DYNC1I1: variants seen among roughly 807,000 people sequenced by gnomAD.
DYNC1I1 encodes dynein cytoplasmic 1 intermediate chain 1.
Under a neutral mutation model 86.6 loss-of-function variants are expected in DYNC1I1, and 43 were observed. The observed-to-expected ratio is 0.50, with a 90% CI of 0.39 to 0.64. The LOEUF is 0.64. Among genes scored for constraint, DYNC1I1 ranks in the 30% least tolerant of loss-of-function variants. The pLI is 0.00. For missense variants in DYNC1I1, 604 were observed against 788.8 expected, an observed-to-expected ratio of 0.77 and a Z score of 2.81; for synonymous variants, 262 against 283.7, an observed-to-expected ratio of 0.92 and a Z score of 0.77.
chr7:96,088,900 A>T (rs1790760131), intron 16 of DYNC1I1, among the ~76,000 whole-genome samples: 1 of 152,280 alleles, frequency 6.6e-6, no homozygotes, highest in East Asian at 1.9e-4. Context: ...TTAAAGCATG[A>T]GTTACTTATC....
chr7:95,886,720 G>A (rs1333527804), intron 6 of DYNC1I1, among the ~76,000 whole-genome samples: 4 of 151,764 alleles, frequency 2.6e-5, no homozygotes, highest in Non-Finnish European at 4.4e-5. Context: ...GAAGCAAAGT[G>A]GAAAAAAAAA....
At chr7:96,023,642 T>C (rs1794607168) in intron 10 of DYNC1I1, among the ~76,000 whole-genome samples, 1 of 152,130 alleles carries the variant, frequency 6.6e-6, no homozygotes, top group Non-Finnish European at 1.5e-5. Context: ...TGGAATTCCC[T>C]GTGAATGGTG....
At chr7:96,011,173 C>T (rs1171986112) in intron 10 of DYNC1I1, among the ~76,000 whole-genome samples, 1 of 152,112 alleles carries the variant, frequency 6.6e-6, no homozygotes, top group Non-Finnish European at 1.5e-5. Flanking sequence ...ATGTTATTGC[C>T]ACCAAGGGGT....
chr7:96,089,508 A>C (rs1449992474), intron 16 of DYNC1I1, among the ~76,000 whole-genome samples: 3 of 152,148 alleles, frequency 2.0e-5, no homozygotes, highest in Non-Finnish European at 4.4e-5. Context: ...CTGTAGTTGC[A>C]CAGAAAAGGA....
intron 14 of DYNC1I1, among the ~76,000 whole-genome samples, chr7:96,044,819 G>C (rs1425714727): frequency 6.6e-6 from 1 of 152,212 alleles, no homozygotes; most frequent in African/African-American, 2.4e-5. Flanking sequence ...TGATCACAGA[G>C]GAGAATAGGA....
rs185919540 is a variant in DYNC1I1 at position 96,049,493 on chromosome 7, C to G, written c.1509+10072C>G. ...AGTCCCTTTTGACAATAATGATTACCTTCATAATCTTTACTTTAAACTTAT... is the reference window on the plus strand; with the variant it reads ...AGTCCCTTTTGACAATAATGATTACGTTCATAATCTTTACTTTAAACTTAT... On this transcript the variant is annotated intron_variant, in intron 14 of 16. Transcript: ENST00000447467. Among the ~76,000 whole-genome samples the G allele has an allele frequency of 1.3e-4, 19 of 151,920 alleles. No homozygotes were observed. The East Asian group carries it at 3.5e-3, about 28-fold the overall frequency.
chr7:95,802,546 A>G (rs1001772574), intron 1 of DYNC1I1: 1 of 152,220 alleles, frequency 6.6e-6, no homozygotes, highest in Non-Finnish European at 1.5e-5. Flanking sequence ...CTTTTCAAAA[A>G]TCTGCTATGA....
In DYNC1I1 at chr7:95,782,361, C is replaced by G. The variant is rs559322038; in HGVS notation, c.-10+9588C>G. Among the ~76,000 whole-genome samples the G allele has an allele frequency of 7.2e-5, 11 of 152,330 alleles. No homozygotes were observed. The South Asian group carries it at 2.3e-3, about 32-fold the overall frequency. On this transcript the variant is annotated intron_variant, in intron 1 of 16. Coordinates refer to ENST00000447467, the MANE Select transcript of DYNC1I1 (RefSeq NM_001135556.2). ...TCTCTATGGGGCACCCCTAGGGACACTGACTGATATGTAACCACATATGTA... is the reference window on the plus strand; with the variant it reads ...TCTCTATGGGGCACCCCTAGGGACAGTGACTGATATGTAACCACATATGTA...
At chr7:96,056,692 A>T (rs184106715) in intron 14 of DYNC1I1, among the ~76,000 whole-genome samples, 22 of 152,126 alleles carry the variant, frequency 1.4e-4, no homozygotes, top group African/African-American at 5.1e-4. Context: ...CTCTATATAT[A>T]TCTATATCTA....
intron 4 of DYNC1I1, chr7:95,818,473 AT>A (rs10590197): frequency 0.15 from 83,494 of 563,474 alleles, 1,742 homozygotes; most frequent in East Asian, 0.16. Flanking sequence ...AGCTGATTTA[AT>A]TTTTTTTTTT....
chr7:95,904,029 G>A (rs1027019393), intron 6 of DYNC1I1, among the ~76,000 whole-genome samples: 2 of 152,122 alleles, frequency 1.3e-5, no homozygotes, highest in Non-Finnish European at 2.9e-5. Flanking sequence ...ACATTTTATG[G>A]CTAGATCAAA....
At chr7:96,061,743 AACAC>A (rs147856984) in intron 14 of DYNC1I1, among the ~76,000 whole-genome samples, 24 of 131,972 alleles carry the variant, frequency 1.8e-4, no homozygotes, top group South Asian at 7.2e-4. Flanking sequence ...CACGCACACA[AACAC>A]ACACACACAC....
intron 15 of DYNC1I1, among the ~76,000 whole-genome samples, chr7:96,078,810 T>C (rs983619280): frequency 6.6e-6 from 1 of 152,160 alleles, no homozygotes. Flanking sequence ...AAAATTAACT[T>C]TGAAGAGTCT....
At chr7:95,826,369 A>G (rs559819185) in intron 4 of DYNC1I1, among the ~76,000 whole-genome samples, 2 of 152,320 alleles carry the variant, frequency 1.3e-5, no homozygotes, top group East Asian at 3.9e-4. Context: ...ATTGACTCAA[A>G]GAAACATTAA....
intron 5 of DYNC1I1, among the ~76,000 whole-genome samples, chr7:95,854,944 G>A (rs768282053): frequency 5.9e-5 from 9 of 152,168 alleles, no homozygotes; most frequent in South Asian, 2.1e-4. Flanking sequence ...TTGGTGATAG[G>A]TATGAGAGTA....
intron 14 of DYNC1I1, among the ~76,000 whole-genome samples, chr7:96,050,003 CAGAG>C (rs1462170683): frequency 2.0e-5 from 3 of 148,456 alleles, no homozygotes; most frequent in African/African-American, 7.6e-5. Context: ...GACTGGATGA[CAGAG>C]AGAGACTCCA....
chr7:95,982,643 A>C (rs1464938677), intron 7 of DYNC1I1, among the ~76,000 whole-genome samples: 1 of 152,200 alleles, frequency 6.6e-6, no homozygotes, highest in Non-Finnish European at 1.5e-5. Flanking sequence ...ATAAAGGAGA[A>C]AAATTCCTAC....
intron 6 of DYNC1I1, among the ~76,000 whole-genome samples, chr7:95,973,334 A>G (rs1259728148): frequency 6.6e-6 from 1 of 152,216 alleles, no homozygotes; most frequent in Admixed American, 6.5e-5. Context: ...TTCCTTTGCA[A>G]ATCCACCAAA....
chr7:96,068,310 C>G (rs1017008640), intron 14 of DYNC1I1, among the ~76,000 whole-genome samples: 2 of 152,118 alleles, frequency 1.3e-5, no homozygotes, highest in Non-Finnish European at 2.9e-5. Flanking sequence ...ATATGTTGAA[C>G]TTCTGCTATT....
Sources: gnomAD v4.1 joint callset for allele counts (sites outside exome capture counted in the v4.1 genomes callset) on GRCh38, gnomAD v4.1.1 for gene constraint, MANE v1.5 for transcripts, NCBI Gene and HGNC (gene_info 2026-07-23, HGNC 2026-07-21) for gene names.